Variants in ALKBH4 observed in about 807,000 individuals in gnomAD.
The protein encoded by ALKBH4 is alpha-ketoglutarate-dependent dioxygenase alkB homolog 4.
ALKBH4 carries 8 observed loss-of-function variants against 12.1 expected under a neutral mutation model. That is an observed-to-expected ratio of 0.66 (90% confidence interval 0.39 to 1.19). The LOEUF (loss-of-function observed/expected upper bound fraction) is 1.19. Among genes scored for constraint, ALKBH4 ranks in the 50% most tolerant of loss-of-function variants. The pLI, the probability that ALKBH4 is intolerant of heterozygous loss-of-function variation, is 0.01. For missense variants in ALKBH4, 403 were observed against 430.4 expected, an observed-to-expected ratio of 0.94 and a Z score of 0.56; for synonymous variants, 195 against 191.6, an observed-to-expected ratio of 1.02 and a Z score of -0.15.
chr7:102,464,671 G>T, intron 1 of ALKBH4, 43 bp downstream of exon 1: 1 of 1,486,434 alleles, frequency 6.7e-7, no homozygotes. Flanking sequence ...TTCCCCAGAT[G>T]CAGAGCGACG....
intron 1 of ALKBH4, among the ~76,000 whole-genome samples, chr7:102,463,711 AAT>A: frequency 6.6e-6 from 1 of 152,156 alleles, no homozygotes; most frequent in East Asian, 1.9e-4. Flanking sequence ...TGGGTGTGCA[AAT>A]ATCTCTTCCA....
rs758259285 is a variant in ALKBH4 at position 102,459,654 on chromosome 7, G to A, written c.271C>T (p.Leu91Phe). The A allele has an allele frequency of 5.0e-6, 8 of 1,614,216 alleles. No individual in the cohort carries two copies. The Admixed American group carries it at 6.7e-5, about 13-fold the overall frequency. Reference sequence around the variant, plus strand: ...AGCTTCCAGGGGTCACGGTCCATGAGCCGCACCAACTCGGCTTCTTCCTCC... The same window carrying A: ...AGCTTCCAGGGGTCACGGTCCATGAACCGCACCAACTCGGCTTCTTCCTCC... ...TREEEAELVRLMDRDPWKLSQ... is the reference protein window; with the variant it reads ...TREEEAELVRFMDRDPWKLSQ... Residue 91 changes from leucine (L) to phenylalanine (F), a missense_variant, in exon 2 of 3, where the codon CTC (leucine) becomes TTC (phenylalanine). By Grantham distance (22) the Leu-to-Phe change is conservative. Transcript: ENST00000292566.
chr7:102,462,271 C>G (rs80171221), intron 1 of ALKBH4, among the ~76,000 whole-genome samples: 10,024 of 152,270 alleles, frequency 0.066, 372 homozygotes, highest in Non-Finnish European at 0.075. Flanking sequence ...GCCCTGAGAT[C>G]CTGGATACCT....
rs538015770 is a variant in ALKBH4, at chr7:102,457,853, G to A, written c.450C>T (p.Pro150=). 36 of 1,611,790 alleles carry A rather than the reference G, an allele frequency of 2.2e-5. No homozygotes were observed. Among genetic ancestry groups the A allele is most frequent in the African/African-American group, 1.1e-4 (8 of 75,062 alleles). ...GLYPGLEGFR[P]VEQCNLDYCP... Reference sequence around the variant, plus strand: ...AGTAGTCCAGGTTGCACTGCTCGACGGGCCGGAAGCCCTCCAGCCCCGGGT... The same window carrying A: ...AGTAGTCCAGGTTGCACTGCTCGACAGGCCGGAAGCCCTCCAGCCCCGGGT... The change falls in exon 3 of 3, where the codon CCC becomes CCT. Residue 150 remains proline (P), a synonymous_variant. Transcript: ENST00000292566. This position sits in a 1 kb window ranked among gnomAD's most constrained non-coding sequence, Gnocchi z 5.9.
chr7:102,464,617 A>G, intron 1 of ALKBH4, 97 bp downstream of exon 1: 1 of 1,417,678 alleles, frequency 7.1e-7, no homozygotes, highest in Non-Finnish European at 9.2e-7. Flanking sequence ...GGTCCCTCAC[A>G]GGCTTCGATC....
chr7:102,461,203 G>A (rs946457216), intron 1 of ALKBH4, among the ~76,000 whole-genome samples: 3 of 151,934 alleles, frequency 2.0e-5, no homozygotes, highest in African/African-American at 7.2e-5. Flanking sequence ...CGGGCGTCGT[G>A]GTGCATGCCT....
chr7:102,458,015 C>A, intron 2 of ALKBH4, 34 bp from the exon 3 acceptor site: 1 of 1,551,400 alleles, frequency 6.4e-7, no homozygotes, highest in South Asian at 1.2e-5. Context: ...CATGAGGTGT[C>A]TGAGTTTACG....
intron 1 of ALKBH4, among the ~76,000 whole-genome samples, chr7:102,461,511 C>A (rs1312349995): frequency 6.6e-6 from 1 of 151,848 alleles, no homozygotes; most frequent in Non-Finnish European, 1.5e-5. Context: ...CAGGTGCGCG[C>A]CACCATGCCC....
intron 2 of ALKBH4, 130 bp downstream of exon 2, chr7:102,459,474 C>T: frequency 8.5e-7 from 1 of 1,173,858 alleles, no homozygotes; most frequent in Non-Finnish European, 1.2e-6. Context: ...GCCCCAAGGT[C>T]TGGGGAACTC....
intron 1 of ALKBH4, among the ~76,000 whole-genome samples, chr7:102,464,507 G>A (rs1488288345): frequency 6.6e-6 from 1 of 152,020 alleles, no homozygotes. Flanking sequence ...TCCCCGAGGT[G>A]ACCTGTAATC....
At chr7:102,459,464 G>A (rs1035356620) in intron 2 of ALKBH4, 140 bp downstream of exon 2, 1 of 1,064,660 alleles carries the variant, frequency 9.4e-7, no homozygotes, top group African/African-American at 1.6e-5. Context: ...GCTGCCCACA[G>A]CCCCAAGGTC....
chr7:102,459,630 G>A lies in ALKBH4; in HGVS notation c.295C>T (p.Leu99Phe). Residue 99 changes from leucine to phenylalanine, a missense_variant, in exon 2 of 3, where the codon CTC becomes TTC. Leu to Phe is a conservative substitution (Grantham distance 22). Transcript: ENST00000292566. ...VRLMDRDPWKLSQSGRRKQDY... is the reference protein window; with the variant it reads ...VRLMDRDPWKFSQSGRRKQDY... Reference sequence around the variant, plus strand: ...TGCTTCCTCCGTCCAGACTGGGAGAGCTTCCAGGGGTCACGGTCCATGAGC... The same window carrying A: ...TGCTTCCTCCGTCCAGACTGGGAGAACTTCCAGGGGTCACGGTCCATGAGC... The A allele has an allele frequency of 6.2e-7, 1 of 1,614,086 alleles. No homozygotes were observed. The highest frequency in any genetic ancestry group is 2.2e-5 in the East Asian group (1 of 44,886).
intron 1 of ALKBH4, among the ~76,000 whole-genome samples, chr7:102,460,970 C>G (rs1378949949): frequency 6.6e-6 from 1 of 152,154 alleles, no homozygotes; most frequent in Non-Finnish European, 1.5e-5. Context: ...AACTCCCACC[C>G]CATGTCCCTC....
chr7:102,460,586 TACA>T (rs1383967564), intron 1 of ALKBH4, among the ~76,000 whole-genome samples: 2 of 152,202 alleles, frequency 1.3e-5, no homozygotes, highest in African/African-American at 2.4e-5. Context: ...GAAGGGTTTG[TACA>T]ACATGTTTTT....
In ALKBH4 at chr7:102,457,447, G is replaced by A. The variant is rs1797678449; in HGVS notation, c.856C>T (p.Leu286=). The change falls in exon 3 of 3, where the codon CTG becomes TTG. Residue 286 remains leucine, a synonymous_variant. Transcript: ENST00000292566. The surrounding 1 kb of genome is among the most constrained non-coding windows in gnomAD (Gnocchi z 5.9). ...GCGATCCGCAGCAGTTCCTGGCCCAGCTCTTGCTGCCTCCCTCCAGGGCCA... is the reference window on the plus strand; with the variant it reads ...GCGATCCGCAGCAGTTCCTGGCCCAACTCTTGCTGCCTCCCTCCAGGGCCA... ...EFGPGGRQQE[L]GQELLRIALS... 1 of 1,613,378 alleles carries A rather than the reference G, an allele frequency of 6.2e-7. No homozygotes were observed. Among genetic ancestry groups the A allele is most frequent in the African/African-American group, 1.3e-5 (1 of 74,934 alleles).
intron 1 of ALKBH4, among the ~76,000 whole-genome samples, chr7:102,463,526 C>T (rs927757058): frequency 1.3e-5 from 2 of 151,544 alleles, no homozygotes; most frequent in South Asian, 2.1e-4. Flanking sequence ...GGCAGGGTTT[C>T]GCCATGTTAG....
chr7:102,457,862 G>T lies in ALKBH4; in HGVS notation c.441C>A (p.Gly147=). 6.2e-7 allele frequency: 1 copy of T among 1,612,160 alleles called. No individual in the cohort carries two copies. The part of the protein sequence containing the change: ...RRMGLYPGLE[G]FRPVEQCNLD... ...GGTTGCACTGCTCGACGGGCCGGAA[G>T]CCCTCCAGCCCCGGGTAGAGGCCCA... is the stretch of plus-strand genomic sequence containing the variant. Residue 147 remains glycine (G), a synonymous_variant, in exon 3 of 3, where the codon GGC becomes GGA. Transcript: ENST00000292566. The surrounding 1 kb of genome is among the most constrained non-coding windows in gnomAD (Gnocchi z 5.9).
chr7:102,464,763 A>G lies in ALKBH4; in HGVS notation c.74T>C (p.Ile25Thr). The change falls in exon 1 of 3, where the codon ATC becomes ACC. Residue 25 changes from isoleucine to threonine, a missense_variant. Physicochemically the swap from Ile to Thr is moderately conservative, Grantham distance 89. Transcript: ENST00000292566. Reference protein sequence around the residue: ...CGCKGIRTCLICERQRGSDPP... With the variant: ...CGCKGIRTCLTCERQRGSDPP... ...GTCACTGCCGCGCTGCCGCTCGCAG[A>G]TCAGACAGGTCCGGATGCCCTTGCA... The G allele has an allele frequency of 6.4e-7, 1 of 1,573,712 alleles. No individual in the cohort carries two copies. The highest frequency in any genetic ancestry group is 8.6e-7 in the Non-Finnish European group (1 of 1,163,276).
chr7:102,462,105 G>A (rs956500253), intron 1 of ALKBH4, among the ~76,000 whole-genome samples: 1 of 152,190 alleles, frequency 6.6e-6, no homozygotes, highest in Non-Finnish European at 1.5e-5. Context: ...CCCGTGTGTC[G>A]GCTGAGCAGG....
Sources: allele counts gnomAD v4.1 joint callset (sites outside exome capture counted in the v4.1 genomes callset), GRCh38; gene constraint gnomAD v4.1.1; non-coding constraint Gnocchi (gnomAD v3.1); transcripts MANE v1.5; gene names NCBI Gene and HGNC (gene_info 2026-07-23, HGNC 2026-07-21).